The following CCSER1 variants were observed in gnomAD, a reference collection of about 807,000 sequenced individuals.
CCSER1 encodes the protein serine-rich coiled-coil domain-containing protein 1.
CCSER1 carries 41 observed loss-of-function variants against 82.0 expected under a neutral mutation model. That is an observed-to-expected ratio of 0.50 (90% CI 0.39 to 0.65). The LOEUF is 0.65. CCSER1 is among the 30% of genes least tolerant of loss of function. The pLI, the probability that CCSER1 is intolerant of heterozygous loss-of-function variation, is 0.00. For missense variants in CCSER1, 1,119 were observed against 1,064.2 expected (o/e 1.05, Z -0.72); for synonymous variants, 414 against 383.9 (o/e 1.08, Z -0.92).
intron 9 of CCSER1, among the ~76,000 whole-genome samples, chr4:90,988,501 T>A (rs1736768406): frequency 6.6e-6 from 1 of 151,630 alleles, no homozygotes; most frequent in Non-Finnish European, 1.5e-5. Flanking sequence ...CAGCAGGAAA[T>A]TTTGATTCCA....
chr4:91,332,851 G>T (rs1425725521), intron 10 of CCSER1, among the ~76,000 whole-genome samples: 1 of 151,912 alleles, frequency 6.6e-6, no homozygotes. Flanking sequence ...TCCCTGTAAA[G>T]TTTTAAATAG....
intron 10 of CCSER1, among the ~76,000 whole-genome samples, chr4:91,444,671 A>G (rs554979820): frequency 6.6e-6 from 1 of 152,242 alleles, no homozygotes; most frequent in South Asian, 2.1e-4. Context: ...GCTGGTCTCA[A>G]ACTCCTGACC....
At chr4:91,421,268 T>C (rs897747930) in intron 10 of CCSER1, among the ~76,000 whole-genome samples, 2 of 152,152 alleles carry the variant, frequency 1.3e-5, no homozygotes, top group East Asian at 1.9e-4. Flanking sequence ...TCTCATGATA[T>C]GTAGTATGCA....
intron 7 of CCSER1, among the ~76,000 whole-genome samples, chr4:90,741,444 G>A (rs2149443767): frequency 6.6e-6 from 1 of 152,192 alleles, no homozygotes; most frequent in South Asian, 2.1e-4. Context: ...TAATAGCAGA[G>A]GTAACAATCA....
At chr4:90,810,686 A>G (rs1758146598) in intron 7 of CCSER1, among the ~76,000 whole-genome samples, 1 of 152,036 alleles carries the variant, frequency 6.6e-6, no homozygotes, top group Admixed American at 6.6e-5. Flanking sequence ...AACAACCAAA[A>G]CTAGTTCAGT....
chr4:90,974,292 A>C (rs534331693), intron 9 of CCSER1, among the ~76,000 whole-genome samples: 11 of 147,356 alleles, frequency 7.5e-5, no homozygotes, highest in East Asian at 1.9e-4. Flanking sequence ...CAATACATAT[A>C]TCAAAACATT....
chr4:90,967,110 A>G (rs772061343), intron 9 of CCSER1, among the ~76,000 whole-genome samples: 2 of 152,070 alleles, frequency 1.3e-5, no homozygotes, highest in Non-Finnish European at 2.9e-5. Flanking sequence ...TTTATGACCA[A>G]TTGATTTTCA....
intron 1 of CCSER1, among the ~76,000 whole-genome samples, chr4:90,153,348 A>G (rs374312886): frequency 1.8e-4 from 28 of 152,032 alleles, no homozygotes; most frequent in African/African-American, 4.6e-4. Flanking sequence ...ATAAACATAC[A>G]TGTGCATGTG....
chr4:90,376,321 A>G lies in CCSER1; in HGVS notation c.1510-23715A>G, dbSNP rs147474585. ...ACAACATTTCTCCTTGTCTTCAGCT[A>G]AAGTAATCAGTGACATAGCTTTGGC... On this transcript the variant is annotated intron_variant, in intron 3 of 10. Transcript: ENST00000509176. 5.0e-3 allele frequency among the ~76,000 whole-genome samples: 766 copies of G among 152,348 alleles called. 1 individual carries two copies. Among genetic ancestry groups the G allele is most frequent in the Non-Finnish European group, 7.3e-3 (494 of 68,034 alleles).
At chr4:91,164,280 G>A (rs1017183828) in intron 10 of CCSER1, among the ~76,000 whole-genome samples, 2 of 152,164 alleles carry the variant, frequency 1.3e-5, no homozygotes, top group African/African-American at 2.4e-5. Context: ...TGGCTTGCAG[G>A]GTTTCTGCTG....
Position 90,628,228 on chromosome 4 carries a change from A to G in CCSER1, c.1928A>G (p.Gln643Arg). ...TLLLKMKRVLQESADMSPASS... is the reference protein window; with the variant it reads ...TLLLKMKRVLRESADMSPASS... ...TTATTAAAGATGAAGAGAGTTCTTC[A>G]AGAGGTAATGGTTTCCTCTAAGATT... The change falls in exon 6 of 11, where the codon CAA becomes CGA. Residue 643 changes from glutamine (Q) to arginine (R), a missense_variant. Physicochemically the swap from Gln to Arg is conservative, Grantham distance 43. Transcript: ENST00000509176. The G allele has an allele frequency of 6.2e-7, 1 of 1,612,026 alleles. No individual in the cohort carries two copies. Among genetic ancestry groups the G allele is most frequent in the Non-Finnish European group, 8.5e-7 (1 of 1,178,530 alleles).
At chr4:90,813,934 C>A (rs1198164605) in intron 7 of CCSER1, among the ~76,000 whole-genome samples, 1 of 152,132 alleles carries the variant, frequency 6.6e-6, no homozygotes, top group East Asian at 1.9e-4. Flanking sequence ...TGGCTCCAAC[C>A]CCACATGTCC....
intron 10 of CCSER1, among the ~76,000 whole-genome samples, chr4:91,129,139 T>G (rs992578540): frequency 5.9e-5 from 9 of 152,114 alleles, no homozygotes; most frequent in African/African-American, 2.2e-4. Context: ...CAAAGCTTTT[T>G]TCCTGTGTTT....
chr4:91,060,181 A>G (rs1743836662), intron 9 of CCSER1, among the ~76,000 whole-genome samples: 1 of 152,098 alleles, frequency 6.6e-6, no homozygotes, highest in African/African-American at 2.4e-5. Context: ...GTTAATAAAA[A>G]TATTCAACTA....
chr4:90,628,265 G>T, intron 6 of CCSER1, 33 bp downstream of exon 6: 1 of 1,530,726 alleles, frequency 6.5e-7, no homozygotes, highest in Non-Finnish European at 9.0e-7. Context: ...ATGTCCTTCA[G>T]TGCTGGTAGA....
intron 9 of CCSER1, among the ~76,000 whole-genome samples, chr4:91,048,616 T>C (rs528790804): frequency 6.6e-6 from 1 of 152,254 alleles, no homozygotes; most frequent in Admixed American, 6.5e-5. Context: ...CAATGTACAT[T>C]ATTTAATAAT....
chr4:90,412,770 GCCATCTATGACAGAC>G (rs1197516863), intron 4 of CCSER1, among the ~76,000 whole-genome samples: 4 of 152,094 alleles, frequency 2.6e-5, no homozygotes, highest in African/African-American at 9.7e-5. Flanking sequence ...GGTAATAAAA[GCCATCTATGACAGAC>G]CCACAGACAA....
At chr4:90,639,239 G>A (rs1032846813) in intron 6 of CCSER1, among the ~76,000 whole-genome samples, 1 of 151,228 alleles carries the variant, frequency 6.6e-6, no homozygotes, top group Middle Eastern at 3.2e-3. Context: ...ATAGCATAAT[G>A]TGTTGTATTC....
chr4:90,909,371 T>C (rs1036805634), intron 8 of CCSER1, among the ~76,000 whole-genome samples: 12 of 152,102 alleles, frequency 7.9e-5, no homozygotes, highest in African/African-American at 2.9e-4. Context: ...GCAGAGGCCA[T>C]TGGAATAAAA....
Sources: allele counts gnomAD v4.1 joint callset (sites outside exome capture counted in the v4.1 genomes callset), GRCh38; gene constraint gnomAD v4.1.1; transcripts MANE v1.5; gene names NCBI Gene and HGNC (gene_info 2026-07-23, HGNC 2026-07-21).